MAN1A1: variants seen among roughly 807,000 people sequenced by gnomAD.
MAN1A1 encodes mannosyl-oligosaccharide 1,2-alpha-mannosidase IA.
MAN1A1 carries 29 observed loss-of-function variants against 70.8 expected under a neutral mutation model. The ratio of observed to expected loss-of-function variants is 0.41; its 90% confidence interval spans 0.31 to 0.56. The LOEUF is 0.56. Among genes scored for constraint, MAN1A1 ranks in the 20% least tolerant of loss-of-function variants. MAN1A1 has a pLI of 0.29. For synonymous variants in MAN1A1, 349 were observed against 330.1 expected, an observed-to-expected ratio of 1.06 and a Z score of -0.62; for missense variants, 747 against 841.3, an observed-to-expected ratio of 0.89 and a Z score of 1.39.
At chr6:119,337,096 T>C (rs1773472929) in intron 2 of MAN1A1, among the ~76,000 whole-genome samples, 1 of 152,216 alleles carries the variant, frequency 6.6e-6, no homozygotes, top group South Asian at 2.1e-4. Context: ...AGACTTTTTT[T>C]TGTTTTTGGC....
At position 119,180,370 on chromosome 6, in the gene MAN1A1, G is replaced by C; in HGVS notation, c.1777C>G (p.Leu593Val). ...ACATCATCATAACTCTCATGAAGAA[G>C]GTAAACATCCCTTAGGCCTGAATAG... ...GGYSGLRDVY[L>V]LHESYDDVQQ... The change falls in exon 12 of 13, where the codon CTT (leucine) becomes GTT (valine). Residue 593 changes from leucine (L) to valine (V), a missense_variant. Physicochemically the swap from Leu to Val is conservative, Grantham distance 32. Coordinates refer to ENST00000368468, the MANE Select transcript of MAN1A1 (RefSeq NM_005907.4). 3 of 1,613,864 alleles carry C rather than the reference G, an allele frequency of 1.9e-6. No homozygotes were observed. Among genetic ancestry groups the C allele is most frequent in the Non-Finnish European group, 2.5e-6 (3 of 1,179,906 alleles).
rs543953459 is a variant in MAN1A1 at position 119,334,177 on chromosome 6, T to C, written c.603+14286A>G. The stretch of plus-strand genomic sequence containing the variant: ...GGAAGTAAACAGAAATAACCTTTGA[T>C]TTTAATTTTCCTATTTTCTTTACCA... On this transcript the variant is annotated intron_variant, in intron 2 of 12. Transcript: ENST00000368468. Among the ~76,000 whole-genome samples, 33 of 152,332 alleles carry C rather than the reference T, an allele frequency of 2.2e-4. No individual in the cohort carries two copies. In the South Asian group the frequency reaches 6.2e-3, roughly 29 times the overall value.
At chr6:119,274,534 A>G (rs1776003036) in intron 5 of MAN1A1, among the ~76,000 whole-genome samples, 1 of 152,234 alleles carries the variant, frequency 6.6e-6, no homozygotes, top group African/African-American at 2.4e-5. Context: ...CCCTTCATTT[A>G]TATCAGATAT....
intron 4 of MAN1A1, among the ~76,000 whole-genome samples, chr6:119,294,640 T>A (rs1341298557): frequency 6.6e-6 from 1 of 152,128 alleles, no homozygotes; most frequent in African/African-American, 2.4e-5. Context: ...TTAGTTAATG[T>A]CAACTGATAA....
At position 119,197,764 on chromosome 6, in the gene MAN1A1, A is replaced by G. The variant is rs1256687434; in HGVS notation, c.1210+3490T>C. ...AACACAGAATGGGGGTTGGGGCAGG[A>G]GAGAGAGCTAAGACTCATCAATCCT... On this transcript the variant is annotated intron_variant, in intron 8 of 12. Coordinates refer to ENST00000368468, the MANE Select transcript of MAN1A1 (RefSeq NM_005907.4). Among the ~76,000 whole-genome samples the G allele has an allele frequency of 4.6e-5, 7 of 152,202 alleles. No individual in the cohort carries two copies. In the East Asian group the frequency reaches 7.7e-4, roughly 17 times the overall value.
intron 2 of MAN1A1, among the ~76,000 whole-genome samples, chr6:119,343,500 T>C (rs1166868679): frequency 6.6e-6 from 1 of 152,202 alleles, no homozygotes; most frequent in Non-Finnish European, 1.5e-5. Flanking sequence ...GATTTAAAGT[T>C]ATCATGGCAT....
At chr6:119,200,134 CA>C (rs1215484575) in intron 8 of MAN1A1, among the ~76,000 whole-genome samples, 1 of 152,028 alleles carries the variant, frequency 6.6e-6, no homozygotes, top group Non-Finnish European at 1.5e-5. Flanking sequence ...TATGTATTCA[CA>C]AAATTTAAGT....
At chr6:119,262,404 T>G (rs1482627588) in intron 5 of MAN1A1, among the ~76,000 whole-genome samples, 1 of 151,478 alleles carries the variant, frequency 6.6e-6, no homozygotes, top group Non-Finnish European at 1.5e-5. Context: ...TTTAAGGAAA[T>G]AAGATTTCAA....
chr6:119,296,049 G>C (rs1170024350), intron 4 of MAN1A1, among the ~76,000 whole-genome samples: 1 of 152,136 alleles, frequency 6.6e-6, no homozygotes, highest in African/African-American at 2.4e-5. Context: ...ATTTATAAAT[G>C]ATACTTCAAA....
intron 5 of MAN1A1, among the ~76,000 whole-genome samples, chr6:119,250,659 TGTGTGTGTGTGTGTGTGC>T (rs1160823969): frequency 6.6e-6 from 1 of 151,424 alleles, no homozygotes; most frequent in African/African-American, 2.4e-5. Flanking sequence ...TGTGTGTGTG[TGTGTGTGTGTGTGTGTGC>T]GTGTCAGTTA....
chr6:119,347,021 A>G (rs747425643), intron 2 of MAN1A1, among the ~76,000 whole-genome samples: 4 of 152,252 alleles, frequency 2.6e-5, no homozygotes, highest in Non-Finnish European at 4.4e-5. Flanking sequence ...TGTTCTGGAA[A>G]GTAGAATCCA....
chr6:119,198,233 T>C (rs1243028668), intron 8 of MAN1A1, among the ~76,000 whole-genome samples: 1 of 152,082 alleles, frequency 6.6e-6, no homozygotes, highest in African/African-American at 2.4e-5. Context: ...CTACTAAAAA[T>C]ACAAAAATTA....
At chr6:119,190,135 A>G (rs976500419) in intron 9 of MAN1A1, among the ~76,000 whole-genome samples, 3 of 152,224 alleles carry the variant, frequency 2.0e-5, no homozygotes, top group Non-Finnish European at 4.4e-5. Flanking sequence ...CTGTGACCAA[A>G]CATTGTATTC....
At chr6:119,203,041 A>G (rs1321348539) in intron 7 of MAN1A1, among the ~76,000 whole-genome samples, 1 of 152,122 alleles carries the variant, frequency 6.6e-6, no homozygotes, top group Non-Finnish European at 1.5e-5. Context: ...ACATCATGTG[A>G]ACACACACTG....
chr6:119,306,685 G>A (rs902865785), intron 3 of MAN1A1, among the ~76,000 whole-genome samples: 36 of 152,206 alleles, frequency 2.4e-4, no homozygotes, highest in African/African-American at 8.4e-4. Flanking sequence ...TTAAAGTTAC[G>A]CAGGTTATTC....
intron 6 of MAN1A1, among the ~76,000 whole-genome samples, chr6:119,221,955 G>A (rs1207101906): frequency 6.6e-6 from 1 of 151,830 alleles, no homozygotes; most frequent in Non-Finnish European, 1.5e-5. Context: ...TATACTTTTG[G>A]GAAATTATTT....
chr6:119,238,849 T>C (rs1774925225), intron 6 of MAN1A1, among the ~76,000 whole-genome samples: 1 of 152,152 alleles, frequency 6.6e-6, no homozygotes, highest in African/African-American at 2.4e-5. Flanking sequence ...AAGGGCAACA[T>C]GAGCATTCAC....
intron 2 of MAN1A1, among the ~76,000 whole-genome samples, chr6:119,323,630 T>C (rs1266394283): frequency 6.6e-6 from 1 of 152,236 alleles, no homozygotes; most frequent in African/African-American, 2.4e-5. Context: ...CTTTCCTACA[T>C]GATCCAGGAT....
chr6:119,242,538 C>T (rs1433563419), intron 6 of MAN1A1, among the ~76,000 whole-genome samples: 2 of 152,100 alleles, frequency 1.3e-5, no homozygotes, highest in African/African-American at 4.8e-5. Flanking sequence ...GACATCAGAA[C>T]CAAGTTAGTC....
Sources: allele counts gnomAD v4.1 joint callset (sites outside exome capture counted in the v4.1 genomes callset), GRCh38; gene constraint gnomAD v4.1.1; transcripts MANE v1.5; gene names NCBI Gene and HGNC (gene_info 2026-07-23, HGNC 2026-07-21).